SGCD: variants seen among roughly 807,000 people sequenced by gnomAD.
SGCD encodes sarcoglycan delta.
SGCD carries 18 observed loss-of-function variants against 36.6 expected under a neutral mutation model. The ratio of observed to expected loss-of-function variants is 0.49; its 90% CI spans 0.34 to 0.73. The LOEUF is 0.73. SGCD is among the 30% of genes least tolerant of loss of function. The probability of loss-of-function intolerance (pLI) is 0.01; values close to 1 mark genes in which losing one functional copy is unlikely to be tolerated. For synonymous variants in SGCD, 133 were observed against 130.6 expected (o/e 1.02, Z -0.12); for missense variants, 387 against 346.7 (o/e 1.12, Z -0.92).
At chr5:156,615,015 T>C (rs1761970018) in intron 6 of SGCD, among the ~76,000 whole-genome samples, 1 of 152,248 alleles carries the variant, frequency 6.6e-6, no homozygotes. Flanking sequence ...ATTAGGCTTA[T>C]AACTTGGCCC....
intron 3 of SGCD, among the ~76,000 whole-genome samples, chr5:156,285,383 A>G (rs1299753224): frequency 6.6e-6 from 1 of 152,226 alleles, no homozygotes; most frequent in Non-Finnish European, 1.5e-5. Flanking sequence ...CTAAGCCAAA[A>G]GAACAAAGCT....
intron 1 of SGCD, among the ~76,000 whole-genome samples, chr5:156,106,342 GA>G (rs1273667512): frequency 6.6e-6 from 1 of 151,992 alleles, no homozygotes; most frequent in Non-Finnish European, 1.5e-5. Context: ...AGTAGTGAAG[GA>G]AAAACAGGAC....
chr5:155,951,650 T>C (rs775357634), intron 1 of SGCD, among the ~76,000 whole-genome samples: 10 of 152,062 alleles, frequency 6.6e-5, no homozygotes, highest in African/African-American at 2.4e-5. Flanking sequence ...TATATTTTGA[T>C]ATAATATTGA....
intron 4 of SGCD, among the ~76,000 whole-genome samples, chr5:156,517,783 G>A (rs912235540): frequency 6.6e-6 from 1 of 152,106 alleles, no homozygotes; most frequent in Non-Finnish European, 1.5e-5. Context: ...TTTCAGACAA[G>A]CAGATGCTGA....
the SGCD span, among the ~76,000 whole-genome samples, chr5:155,753,056 G>A: frequency 7.9e-5 from 12 of 152,186 alleles, no homozygotes; most frequent in East Asian, 7.7e-4. Flanking sequence ...AAATGATCTC[G>A]GCCGGGCGCA....
chr5:156,126,970 A>G (rs1408758146), intron 3 of SGCD, among the ~76,000 whole-genome samples: 1 of 152,214 alleles, frequency 6.6e-6, no homozygotes, highest in African/African-American at 2.4e-5. Context: ...TAAGCCATCT[A>G]GATAATTCAT....
chr5:156,368,100 CT>C (rs1233452389), intron 3 of SGCD, among the ~76,000 whole-genome samples: 1 of 144,002 alleles, frequency 6.9e-6, no homozygotes, highest in Non-Finnish European at 1.5e-5. Context: ...TTTTTTTTTT[CT>C]TTTTTTCGAG....
Position 156,291,725 on chromosome 5 carries a change from T to C in SGCD, c.-43-37809T>C, listed in dbSNP as rs148586054. ...CTTTACTCTCTAGATTTTTTCCTTA[T>C]ATACTATTATTATTATCTTTTTAAG... On this transcript the variant is annotated intron_variant, in intron 3 of 9. Coordinates refer to the SGCD transcript ENST00000517913. Among the ~76,000 whole-genome samples the C allele has an allele frequency of 5.3e-5, 8 of 152,252 alleles. No homozygotes were observed. In the East Asian group the frequency reaches 1.5e-3, roughly 29 times the overall value.
intron 3 of SGCD, among the ~76,000 whole-genome samples, chr5:156,380,301 C>G (rs2127747097): frequency 6.6e-6 from 1 of 152,266 alleles, no homozygotes; most frequent in East Asian, 1.9e-4. Context: ...AAATGCTATA[C>G]TACTTAACCA....
intron 3 of SGCD, among the ~76,000 whole-genome samples, chr5:156,215,127 G>A (rs1347055175): frequency 6.6e-6 from 1 of 152,028 alleles, no homozygotes; most frequent in Non-Finnish European, 1.5e-5. Context: ...AATGTGGGAT[G>A]CTCAACTGTT....
the SGCD span, among the ~76,000 whole-genome samples, chr5:155,759,122 A>G: frequency 3.9e-5 from 6 of 152,082 alleles, no homozygotes; most frequent in African/African-American, 1.4e-4. Context: ...GATTACAGGC[A>G]TGAGCCACCA....
chr5:156,510,908 G>A (rs1418584464), intron 4 of SGCD, among the ~76,000 whole-genome samples: 2 of 152,194 alleles, frequency 1.3e-5, no homozygotes, highest in Non-Finnish European at 2.9e-5. Context: ...GGTACTGGGT[G>A]CATCTGTTGG....
chr5:156,505,037 A>G (rs1351748558), intron 3 of SGCD, among the ~76,000 whole-genome samples: 1 of 152,234 alleles, frequency 6.6e-6, no homozygotes, highest in Non-Finnish European at 1.5e-5. Flanking sequence ...TATCGAAGTC[A>G]GGTTGAATAT....
chr5:156,121,108 A>G (rs974752543), intron 2 of SGCD, among the ~76,000 whole-genome samples: 7 of 152,144 alleles, frequency 4.6e-5, no homozygotes, highest in Non-Finnish European at 8.8e-5. Flanking sequence ...AAAGTTGCCC[A>G]AAGTCATTAA....
chr5:156,748,169 G>A (rs1581524543), intron 7 of SGCD, among the ~76,000 whole-genome samples: 1 of 152,264 alleles, frequency 6.6e-6, no homozygotes, highest in East Asian at 1.9e-4. Context: ...AAACAAGCAA[G>A]ATTTATCTGT....
At chr5:155,817,301 T>G in the SGCD span, among the ~76,000 whole-genome samples, 1 of 152,052 alleles carries the variant, frequency 6.6e-6, no homozygotes, top group African/African-American at 2.4e-5. Flanking sequence ...ATTCATGGAA[T>G]GTAAGGGTTA....
intron 6 of SGCD, among the ~76,000 whole-genome samples, chr5:156,637,994 G>A (rs949719082): frequency 2.0e-5 from 3 of 151,786 alleles, no homozygotes; most frequent in African/African-American, 7.3e-5. Flanking sequence ...TTTTTAGACA[G>A]TGTTTCTCTG....
At chr5:156,232,191 A>G (rs1406914013) in intron 3 of SGCD, among the ~76,000 whole-genome samples, 8 of 152,188 alleles carry the variant, frequency 5.3e-5, no homozygotes, top group Non-Finnish European at 1.0e-4. Context: ...CCTCCATTTA[A>G]TATCCTCATA....
Position 156,485,789 on chromosome 5 carries a change from G to C in SGCD, c.193-22812G>C, listed in dbSNP as rs1203657329. On this transcript the variant is annotated intron_variant, in intron 3 of 8. Coordinates refer to ENST00000337851, the MANE Select transcript of SGCD (RefSeq NM_000337.6). Reference sequence around the variant, plus strand: ...TTGTGAGAACACTGAAACTCAGCAGGGAAGTGATATTGGAGCTCTGAGGCA... The same window carrying C: ...TTGTGAGAACACTGAAACTCAGCAGCGAAGTGATATTGGAGCTCTGAGGCA... Among the ~76,000 whole-genome samples, 3 of 152,276 alleles carry C rather than the reference G, an allele frequency of 2.0e-5. No homozygotes were observed. In the East Asian group the frequency reaches 5.8e-4, roughly 29 times the overall value.
Sources: gnomAD v4.1 joint callset for allele counts (sites outside exome capture counted in the v4.1 genomes callset) on GRCh38, gnomAD v4.1.1 for gene constraint, MANE v1.5 for transcripts, NCBI Gene and HGNC (gene_info 2026-07-23, HGNC 2026-07-21) for gene names.